The following DDR2 variants were observed in gnomAD, a reference collection of about 807,000 sequenced individuals.
DDR2 encodes discoidin domain-containing receptor 2.
A neutral mutation model predicts 94.9 loss-of-function variants in DDR2; 27 were observed. That is an observed-to-expected ratio of 0.28 (90% CI 0.21 to 0.39). The LOEUF is 0.39. Among genes scored for constraint, DDR2 ranks in the 10% least tolerant of loss-of-function variants. The pLI is 1.00. For missense variants in DDR2, 783 were observed against 1,076.0 expected (o/e 0.73, Z 3.81); for synonymous variants, 382 against 377.2 (o/e 1.01, Z -0.15).
Position 162,749,979 on chromosome 1 carries a change from C to G in DDR2, c.83-3116C>G, listed in dbSNP as rs528612069. Among the ~76,000 whole-genome samples, 245 of 152,272 alleles carry G rather than the reference C, an allele frequency of 1.6e-3. 1 individual carries two copies. The highest frequency in any genetic ancestry group is 5.8e-3 in the African/African-American group (240 of 41,546). On this transcript the variant is annotated intron_variant, in intron 3 of 17. Transcript: ENST00000367921. ...TCAACAGCCCTTCATGCTAAAAGCT[C>G]TCAGTAAACTAGGTATTGATGGTAA...
At chr1:162,669,287 G>GA (rs1461225463) in intron 2 of DDR2, among the ~76,000 whole-genome samples, 1 of 152,136 alleles carries the variant, frequency 6.6e-6, no homozygotes, top group Non-Finnish European at 1.5e-5. Flanking sequence ...ACCAACCGGG[G>GA]AAAAACGTTG....
In DDR2 at chr1:162,755,307, G is replaced by T. The variant is rs747001721; in HGVS notation, c.565+4G>T. The stretch of plus-strand genomic sequence containing the variant: ...CTTTACGGCTGTGTCTGGCTAGGTA[G>T]GTCACTAGCCCAGGAAGCCTATAGA... On this transcript the variant is annotated splice_donor_region_variant and intron_variant, in intron 6 of 17. Coordinates refer to ENST00000367921, the MANE Select transcript of DDR2 (RefSeq NM_006182.4). 6.8e-6 allele frequency: 11 copies of T among 1,613,536 alleles called. No individual in the cohort carries two copies. The highest frequency in any genetic ancestry group is 1.3e-5 in the African/African-American group (1 of 74,872).
intron 2 of DDR2, 53 bp from the exon 3 acceptor site, chr1:162,718,984 A>T: frequency 2.6e-6 from 4 of 1,543,594 alleles, no homozygotes; most frequent in Non-Finnish European, 3.6e-6. Context: ...TATCTGCCTC[A>T]CTCATTTCCT....
intron 1 of DDR2, among the ~76,000 whole-genome samples, chr1:162,642,101 G>A (rs1005595851): frequency 2.6e-4 from 39 of 152,062 alleles, no homozygotes; most frequent in African/African-American, 8.2e-4. Flanking sequence ...GGGATTACAG[G>A]CACCCACACC....
chr1:162,737,270 C>A (rs1417102767), intron 3 of DDR2, among the ~76,000 whole-genome samples: 1 of 149,392 alleles, frequency 6.7e-6, no homozygotes, highest in African/African-American at 2.5e-5. Flanking sequence ...AACGTGTCAT[C>A]TAGCATTAGG....
At chr1:162,655,725 C>T (rs185947523) in intron 2 of DDR2, among the ~76,000 whole-genome samples, 6 of 152,304 alleles carry the variant, frequency 3.9e-5, no homozygotes, top group African/African-American at 1.2e-4. Context: ...CCACTGGAAT[C>T]TGTAGGGTTC....
intron 3 of DDR2, among the ~76,000 whole-genome samples, chr1:162,734,175 A>G (rs1392464953): frequency 6.6e-6 from 1 of 152,200 alleles, no homozygotes; most frequent in Non-Finnish European, 1.5e-5. Flanking sequence ...AACTCAATAC[A>G]TGCAGGTAAA....
intron 7 of DDR2, among the ~76,000 whole-genome samples, chr1:162,757,354 GT>G (rs1663512274): frequency 6.6e-6 from 1 of 152,164 alleles, no homozygotes; most frequent in Non-Finnish European, 1.5e-5. Context: ...ACTTTCACAG[GT>G]GCAGAATCTT....
At chr1:162,674,063 T>C (rs1659014170) in intron 2 of DDR2, among the ~76,000 whole-genome samples, 1 of 152,196 alleles carries the variant, frequency 6.6e-6, no homozygotes. Context: ...ACAATCAGAA[T>C]GCTTATTTCT....
At chr1:162,769,164 A>G (rs572564839) in intron 11 of DDR2, among the ~76,000 whole-genome samples, 1 of 152,148 alleles carries the variant, frequency 6.6e-6, no homozygotes, top group Admixed American at 6.5e-5. Flanking sequence ...GCTAAGAGAG[A>G]AATGTTGGAA....
At chr1:162,763,155 C>T (rs952560940) in intron 9 of DDR2, among the ~76,000 whole-genome samples, 1 of 150,208 alleles carries the variant, frequency 6.7e-6, no homozygotes, top group Non-Finnish European at 1.5e-5. Context: ...TTTTAATACT[C>T]AAGTTGTGCT....
chr1:162,773,442 T>C (rs1372333186), intron 13 of DDR2, 27 bp from the exon 14 acceptor site: 1 of 1,612,306 alleles, frequency 6.2e-7, no homozygotes, highest in African/African-American at 1.3e-5. Flanking sequence ...GAAATGATGA[T>C]GCTGAGACTA....
chr1:162,773,440 G>A lies in DDR2; in HGVS notation c.1729-29G>A. The A allele has an allele frequency of 3.1e-6, 5 of 1,612,028 alleles. No individual in the cohort carries two copies. In the Admixed American group the frequency reaches 8.3e-5, roughly 27 times the overall value. ...CTGAGACATCTTCAGGAGAAATGAT[G>A]ATGCTGAGACTAGATGACTTTTGTC... On this transcript the variant is annotated intron_variant, in intron 13 of 17. Coordinates refer to ENST00000367921, the MANE Select transcript of DDR2 (RefSeq NM_006182.4).
At chr1:162,648,301 G>A (rs1020377330) in intron 1 of DDR2, among the ~76,000 whole-genome samples, 1 of 152,162 alleles carries the variant, frequency 6.6e-6, no homozygotes, top group South Asian at 2.1e-4. Flanking sequence ...TAGCCAGGTA[G>A]CAAAGAGCAG....
At chr1:162,710,311 C>A (rs1490598475) in intron 2 of DDR2, among the ~76,000 whole-genome samples, 1 of 152,130 alleles carries the variant, frequency 6.6e-6, no homozygotes, top group Non-Finnish European at 1.5e-5. Flanking sequence ...GGGGCACATC[C>A]TATGTGCCCA....
rs1366403317 is a variant in DDR2, at chr1:162,783,594, GA to G, written c.*3351del. 2 of 152,142 alleles carry G rather than the reference GA, an allele frequency of 1.3e-5. No homozygotes were observed. The highest frequency in any genetic ancestry group is 2.9e-5 in the Non-Finnish European group (2 of 68,016). 9.4% of individuals were successfully genotyped at this position (152,142 alleles called of 1,614,324 possible). ...AAGAAGGAGTTTTGAAAGGGAATAG[GA>G]AAGTAAGTGTCTTGAAGTAAAAGAT... On this transcript the variant is annotated 3_prime_UTR_variant, in exon 18 of 18. Coordinates refer to ENST00000367921, the MANE Select transcript of DDR2 (RefSeq NM_006182.4).
intron 11 of DDR2, among the ~76,000 whole-genome samples, chr1:162,767,980 A>G (rs927746067): frequency 1.3e-5 from 2 of 152,122 alleles, no homozygotes; most frequent in African/African-American, 4.8e-5. Flanking sequence ...AACTTTTTAC[A>G]TTGTCTAACA....
At chr1:162,632,689 C>T (rs1404143795) in intron 1 of DDR2, 58 bp downstream of exon 1, 1 of 152,106 alleles carries the variant, frequency 6.6e-6, no homozygotes, top group South Asian at 2.1e-4. Flanking sequence ...ATGAAAGCTC[C>T]GCATATACTT....
At chr1:162,677,020 CG>C (rs200542036) in intron 2 of DDR2, among the ~76,000 whole-genome samples, 2,564 of 152,240 alleles carry the variant, frequency 0.017, 32 homozygotes, top group Admixed American at 0.03. Flanking sequence ...TCTGTGCTCA[CG>C]GGGTTTTGGC....
Sources: gnomAD v4.1 joint callset for allele counts (sites outside exome capture counted in the v4.1 genomes callset) on GRCh38, gnomAD v4.1.1 for gene constraint, MANE v1.5 for transcripts, NCBI Gene and HGNC (gene_info 2026-07-23, HGNC 2026-07-21) for gene names.